PLXDC2: variants seen among roughly 807,000 people sequenced by gnomAD.
PLXDC2 encodes plexin domain containing 2.
A neutral mutation model predicts 68.9 loss-of-function variants in PLXDC2; 40 were observed. The ratio of observed to expected loss-of-function variants is 0.58; its 90% CI spans 0.45 to 0.76. The LOEUF is 0.76. Ranked by LOEUF, PLXDC2 falls within the 30% of genes least tolerant of loss-of-function variation. The probability of loss-of-function intolerance (pLI) is 0.00; values close to 1 mark genes in which losing one functional copy is unlikely to be tolerated. For missense variants in PLXDC2, 644 were observed against 661.9 expected (o/e 0.97, Z 0.30); for synonymous variants, 243 against 234.2 (o/e 1.04, Z -0.34).
Position 20,189,556 on chromosome 10 carries a change from C to CACAT in PLXDC2, c.1061+12148_1061+12149insCATA, listed in dbSNP as rs369119157. 8.6e-4 allele frequency among the ~76,000 whole-genome samples: 107 copies of CACAT among 124,764 alleles called. 1 individual carries two copies. Among genetic ancestry groups the CACAT allele is most frequent in the Non-Finnish European group, 1.2e-3 (66 of 55,712 alleles). 81.9% of individuals were successfully genotyped at this position (124,764 alleles called of 152,430 possible). A position where few individuals can be genotyped will look rare whatever the true frequency, so the allele number is the denominator to read the frequency against. ...ACACATATATATACACACACACACA[C>CACAT]ATATATATATATACACATATATATA... On this transcript the variant is annotated intron_variant, in intron 9 of 13. Coordinates refer to ENST00000377252, the MANE Select transcript of PLXDC2 (RefSeq NM_032812.9).
chr10:19,909,805 G>A (rs965391146), intron 1 of PLXDC2, among the ~76,000 whole-genome samples: 5 of 152,052 alleles, frequency 3.3e-5, no homozygotes, highest in South Asian at 2.1e-4. Flanking sequence ...AGATGCTTTC[G>A]TAACACTTAC....
chr10:20,237,191 T>C (rs1006435542), intron 12 of PLXDC2, among the ~76,000 whole-genome samples: 1 of 152,174 alleles, frequency 6.6e-6, no homozygotes, highest in Admixed American at 6.5e-5. Flanking sequence ...TTTATATCTT[T>C]TCACAGTGAT....
chr10:19,900,167 A>G (rs1838133513), intron 1 of PLXDC2, among the ~76,000 whole-genome samples: 3 of 152,216 alleles, frequency 2.0e-5, no homozygotes. Context: ...TCATCAATCC[A>G]CAAAGGATTT....
chr10:19,897,075 C>T (rs1454929866), intron 1 of PLXDC2, among the ~76,000 whole-genome samples: 1 of 152,136 alleles, frequency 6.6e-6, no homozygotes, highest in Non-Finnish European at 1.5e-5. Flanking sequence ...TAAGTTTCTG[C>T]CCTCAGGAGT....
chr10:19,886,963 C>G (rs1223215894), intron 1 of PLXDC2, among the ~76,000 whole-genome samples: 1 of 152,116 alleles, frequency 6.6e-6, no homozygotes, highest in Non-Finnish European at 1.5e-5. Context: ...TCACTGTATA[C>G]TTGTGATAGA....
chr10:20,023,987 A>G (rs1356251503), intron 2 of PLXDC2, among the ~76,000 whole-genome samples: 1 of 152,102 alleles, frequency 6.6e-6, no homozygotes, highest in East Asian at 1.9e-4. Flanking sequence ...CCTTGTTCCT[A>G]TTCTGCAGAA....
At chr10:20,252,285 CA>C (rs1835686579) in intron 13 of PLXDC2, among the ~76,000 whole-genome samples, 1 of 152,184 alleles carries the variant, frequency 6.6e-6, no homozygotes, top group South Asian at 2.1e-4. Context: ...GTAAAACATA[CA>C]CTGGATTTTG....
At chr10:20,003,166 G>A (rs1834970520) in intron 2 of PLXDC2, among the ~76,000 whole-genome samples, 1 of 152,132 alleles carries the variant, frequency 6.6e-6, no homozygotes, top group Non-Finnish European at 1.5e-5. Flanking sequence ...CACAAAATAT[G>A]ATCTTGCTTG....
At chr10:20,264,333 G>A in intron 13 of PLXDC2, among the ~76,000 whole-genome samples, 1 of 152,110 alleles carries the variant, frequency 6.6e-6, no homozygotes, top group African/African-American at 2.4e-5. Flanking sequence ...GGGTGGAAGG[G>A]AGAGGAGCAG....
chr10:20,120,491 G>A (rs1307602117), intron 4 of PLXDC2, among the ~76,000 whole-genome samples: 4 of 152,146 alleles, frequency 2.6e-5, no homozygotes, highest in African/African-American at 9.7e-5. Context: ...AATAAAGGCT[G>A]GTCTGTTATC....
In PLXDC2 at chr10:19,868,465, G is replaced by A. The variant is rs539192181; in HGVS notation, c.112+51274G>A. ...TTTAGCAAACTATTGGCACATTCTC[G>A]GAAATAGCAACCAATGTCTTGCAAT... On this transcript the variant is annotated intron_variant, in intron 1 of 13. Coordinates refer to ENST00000377252, the MANE Select transcript of PLXDC2 (RefSeq NM_032812.9). Among the ~76,000 whole-genome samples the A allele has an allele frequency of 3.9e-4, 60 of 152,164 alleles. No homozygotes were observed. In the South Asian group the frequency reaches 8.5e-3, roughly 22 times the overall value.
intron 1 of PLXDC2, among the ~76,000 whole-genome samples, chr10:19,843,514 G>C (rs1456236985): frequency 6.6e-6 from 1 of 151,924 alleles, no homozygotes. Flanking sequence ...ATAAACATTA[G>C]AAAATAAGAG....
intron 3 of PLXDC2, among the ~76,000 whole-genome samples, chr10:20,059,994 A>G (rs1836071300): frequency 6.6e-6 from 1 of 152,118 alleles, no homozygotes; most frequent in South Asian, 2.1e-4. Context: ...TATCAATTTT[A>G]ACATTTTTCT....
At chr10:19,913,294 C>T (rs1295419715) in intron 1 of PLXDC2, among the ~76,000 whole-genome samples, 1 of 151,974 alleles carries the variant, frequency 6.6e-6, no homozygotes, top group Non-Finnish European at 1.5e-5. Flanking sequence ...GTGTGTAGCA[C>T]CTCCCCTTTC....
In PLXDC2 at chr10:20,243,149, T is replaced by C. The variant is rs74988013; in HGVS notation, c.1313-2196T>C. 6.6e-3 allele frequency among the ~76,000 whole-genome samples: 1,005 copies of C among 152,296 alleles called. 7 individuals are homozygous for C. The highest frequency in any genetic ancestry group is 0.012 in the Non-Finnish European group (837 of 68,014). Reference sequence around the variant, plus strand: ...AGCAGGACCTACAGCCCAGTGTTCATTGAGGAGGTATTGATCAGAGGTCCA... The same window carrying C: ...AGCAGGACCTACAGCCCAGTGTTCACTGAGGAGGTATTGATCAGAGGTCCA... On this transcript the variant is annotated intron_variant, in intron 12 of 13. Coordinates refer to ENST00000377252, the MANE Select transcript of PLXDC2 (RefSeq NM_032812.9).
At position 20,160,844 on chromosome 10, in the gene PLXDC2, C is replaced by T. The variant is rs1834281482; in HGVS notation, c.784-3624C>T. Among the ~76,000 whole-genome samples the T allele has an allele frequency of 2.0e-5, 3 of 152,252 alleles. No homozygotes were observed. The South Asian group carries it at 6.2e-4, about 32-fold the overall frequency. On this transcript the variant is annotated intron_variant, in intron 6 of 13. Coordinates refer to ENST00000377252, the MANE Select transcript of PLXDC2 (RefSeq NM_032812.9). ...CTAGAATTAGATATTTATCTGAAAT[C>T]TGGGCATGATGGTGTGCACCTGTAG...
In PLXDC2 at chr10:20,280,976, C is replaced by T. The variant is rs574343542; in HGVS notation, c.*1157C>T. On this transcript the variant is annotated 3_prime_UTR_variant, in exon 14 of 14. Coordinates refer to ENST00000377252, the MANE Select transcript of PLXDC2 (RefSeq NM_032812.9). The stretch of plus-strand genomic sequence containing the variant: ...GCAGGATCTTGTGACTCTAAGAGTG[C>T]GTTTTGTCATCAAGGCAAAACAGAT... 3.6e-4 allele frequency: 54 copies of T among 152,054 alleles called. No homozygotes were observed. The highest frequency in any genetic ancestry group is 1.2e-3 in the African/African-American group (51 of 41,510). 9.4% of individuals were successfully genotyped at this position (152,054 alleles called of 1,614,324 possible).
chr10:19,951,944 T>C (rs552038476), intron 1 of PLXDC2, among the ~76,000 whole-genome samples: 1 of 152,044 alleles, frequency 6.6e-6, no homozygotes, highest in African/African-American at 2.4e-5. Context: ...AAGCTAAATA[T>C]TGGGTACTCA....
chr10:20,164,547 A>C lies in PLXDC2; in HGVS notation c.863A>C (p.His288Pro). 3 of 1,612,302 alleles carry C rather than the reference A, an allele frequency of 1.9e-6. No homozygotes were observed. The highest frequency in any genetic ancestry group is 2.5e-6 in the Non-Finnish European group (3 of 1,178,594). ...CTGTCCGATGCATTTGTCGTTGTCC[A>C]CAGGATCCAACAAATTCCCAGTACG... is the stretch of plus-strand genomic sequence containing the variant. ...VGLSDAFVVV[H>P]RIQQIPNVRR... Residue 288 changes from histidine (H) to proline (P), a missense_variant, in exon 7 of 14, where the codon CAC (histidine) becomes CCC (proline). Coordinates refer to ENST00000377252, the MANE Select transcript of PLXDC2 (RefSeq NM_032812.9).
Sources: allele counts gnomAD v4.1 joint callset (sites outside exome capture counted in the v4.1 genomes callset), GRCh38; gene constraint gnomAD v4.1.1; transcripts MANE v1.5; gene names NCBI Gene and HGNC (gene_info 2026-07-23, HGNC 2026-07-21).